The following CLIC1 variants were observed in gnomAD, a reference collection of about 807,000 sequenced individuals.
The protein encoded by CLIC1 is CLIC family member 1.
In CLIC1, 16 loss-of-function variants were observed where a neutral mutation model predicts 26.4. The ratio of observed to expected loss-of-function variants is 0.61; its 90% CI spans 0.41 to 0.92. The LOEUF is 0.92. CLIC1 is among the 40% of genes least tolerant of loss of function. The probability of loss-of-function intolerance (pLI) is 0.00; values close to 1 mark genes in which losing one functional copy is unlikely to be tolerated. For synonymous variants in CLIC1, 98 were observed against 120.8 expected (o/e 0.81, Z 1.24); for missense variants, 225 against 289.7 (o/e 0.78, Z 1.62).
chr6:31,736,577 C>A (rs1808349064), upstream of CLIC1: 2 of 1,333,206 alleles, frequency 1.5e-6, no homozygotes. This position sits in a 1 kb window ranked among gnomAD's most constrained non-coding sequence, Gnocchi z 5.0. Context: ...GGGGAGGGGA[C>A]TGGAGGGGGG....
chr6:31,737,260 C>T (rs1398679936), upstream of CLIC1: 3 of 152,050 alleles, frequency 2.0e-5, no homozygotes, highest in African/African-American at 7.3e-5. Context: ...CCTGTCTCTA[C>T]TAAAAATACA....
Position 31,734,257 on chromosome 6 carries a change from T to C in CLIC1, c.46A>G (p.Ser16Gly), listed in dbSNP as rs1244059102. 1 of 1,613,872 alleles carries C rather than the reference T, an allele frequency of 6.2e-7. No homozygotes were observed. Among genetic ancestry groups the C allele is most frequent in the Non-Finnish European group, 8.5e-7 (1 of 1,179,876 alleles). ...CAGTTCCCAATCTTGGCCCCATCACTGCCAGCCTGAAAAGTAACCCCAACC... is the reference window on the plus strand; with the variant it reads ...CAGTTCCCAATCTTGGCCCCATCACCGCCAGCCTGAAAAGTAACCCCAACC... The change falls in exon 2 of 6, where the codon AGT becomes GGT. Residue 16 changes from serine to glycine, a missense_variant. Physicochemically the swap from Ser to Gly is moderately conservative, Grantham distance 56. Transcript: ENST00000375784. This position sits in a 1 kb window ranked among gnomAD's most constrained non-coding sequence, Gnocchi z 5.3.
At chr6:31,737,019 C>A (rs928580069), upstream of CLIC1, 1 of 896,548 alleles carries the variant, frequency 1.1e-6, no homozygotes. Flanking sequence ...CTGAGCTGCC[C>A]AGACTGGTGT....
rs767435569 is a variant in CLIC1 at position 31,736,333 on chromosome 6, T to C, written c.-33A>G. 1 of 1,612,542 alleles carries C rather than the reference T, an allele frequency of 6.2e-7. No individual in the cohort carries two copies. The highest frequency in any genetic ancestry group is 1.1e-5 in the South Asian group (1 of 91,040). ...TCGGGGACCAGGAAGTGGCCGTCCCTGGGGGAACTGGGAGGGGCTGGGACC... is the reference window on the plus strand; with the variant it reads ...TCGGGGACCAGGAAGTGGCCGTCCCCGGGGGAACTGGGAGGGGCTGGGACC... On this transcript the variant is annotated 5_prime_UTR_variant, in exon 1 of 6. Transcript: ENST00000375784. The surrounding 1 kb of genome is among the most constrained non-coding windows in gnomAD (Gnocchi z 5.0).
upstream of CLIC1, chr6:31,736,860 A>C (rs976084568): frequency 1.0e-6 from 1 of 986,158 alleles, no homozygotes; most frequent in Non-Finnish European, 1.2e-6. The surrounding 1 kb of genome is among the most constrained non-coding windows in gnomAD (Gnocchi z 5.0). Flanking sequence ...TCGTTTAATC[A>C]TTCTGCATTT....
rs377377897 is a variant in CLIC1 at position 31,732,249 on chromosome 6, A to T, written c.532T>A (p.Cys178Ser). The change falls in exon 5 of 6, where the codon TGC (cysteine) becomes AGC (serine). Residue 178 changes from cysteine (C) to serine (S), a missense_variant. By Grantham distance (112) the Cys-to-Ser change is moderately radical (BLOSUM62 -1). Coordinates refer to ENST00000375784, the Ensembl canonical transcript of CLIC1. This position sits in a 1 kb window ranked among gnomAD's most constrained non-coding sequence, Gnocchi z 5.0. ...ATGTGTAACTTTGGCAACAGGTTGCAGTCAGCCAGGGTGAGCTCGTTGCCA... is the reference window on the plus strand; with the variant it reads ...ATGTGTAACTTTGGCAACAGGTTGCTGTCAGCCAGGGTGAGCTCGTTGCCA... The T allele has an allele frequency of 7.1e-5, 112 of 1,578,220 alleles. No homozygotes were observed. The highest frequency in any genetic ancestry group is 9.3e-5 in the Non-Finnish European group (108 of 1,162,920).
Position 31,732,549 on chromosome 6 carries a change from CATTTT to C in CLIC1, c.383-156_383-152del, listed in dbSNP as rs2151316088. On this transcript the variant is annotated intron_variant, in intron 4 of 5. Transcript: ENST00000375784. The surrounding 1 kb of genome is among the most constrained non-coding windows in gnomAD (Gnocchi z 5.0). ...TCTATGTGTTATTCTAAGCACTTTA[CATTTT>C]ATTTTATGTTAGACGGAGTCTTGCT... The C allele has an allele frequency of 2.0e-6, 1 of 498,570 alleles. No individual in the cohort carries two copies. The highest frequency in any genetic ancestry group is 3.4e-5 in the East Asian group (1 of 29,326). 30.9% of individuals were successfully genotyped at this position (498,570 alleles called of 1,614,324 possible).
rs896833375 is a variant in CLIC1, at chr6:31,732,503, T to C, written c.383-105A>G. The C allele has an allele frequency of 1.5e-6, 1 of 653,716 alleles. No homozygotes were observed. Among genetic ancestry groups the C allele is most frequent in the African/African-American group, 1.9e-5 (1 of 53,608 alleles). 40.5% of individuals were successfully genotyped at this position (653,716 alleles called of 1,614,324 possible). On this transcript the variant is annotated intron_variant, in intron 4 of 5. Transcript: ENST00000375784. This position sits in a 1 kb window ranked among gnomAD's most constrained non-coding sequence, Gnocchi z 5.0. ...ATGGTGAGTCCAAAATAATAATAGC[T>C]AACACTCATGTAGTTACTTTTCTAT...
rs151146724 is a variant in CLIC1, at chr6:31,733,569, C to T, written c.379G>A (p.Asp127Asn). The T allele has an allele frequency of 6.2e-7, 1 of 1,612,056 alleles. No individual in the cohort carries two copies. Among genetic ancestry groups the T allele is most frequent in the Non-Finnish European group, 8.5e-7 (1 of 1,179,304 alleles). Reference sequence around the variant, plus strand: ...GCCTCTGACCCACAAGACTCACTGTCATTGAGTGCTGGGTTTGAATTCTTG... The same window carrying T: ...GCCTCTGACCCACAAGACTCACTGTTATTGAGTGCTGGGTTTGAATTCTTG... Residue 127 changes from aspartate to asparagine, a missense_variant, in exon 4 of 6, where the codon GAC becomes AAC. Physicochemically the swap from Asp to Asn is conservative, Grantham distance 23 (BLOSUM62 1). Coordinates refer to ENST00000375784, the Ensembl canonical transcript of CLIC1. The surrounding 1 kb of genome is among the most constrained non-coding windows in gnomAD (Gnocchi z 5.4).
chr6:31,733,858 C>T lies in CLIC1; in HGVS notation c.253G>A (p.Glu85Lys). Residue 85 changes from glutamate (E) to lysine (K), a missense_variant, in exon 3 of 6, where the codon GAG becomes AAG. By Grantham distance (56) the Glu-to-Lys change is moderately conservative. Transcript: ENST00000375784. The surrounding 1 kb of genome is among the most constrained non-coding windows in gnomAD (Gnocchi z 5.4). The stretch of plus-strand genomic sequence containing the variant: ...TACCTGGGAGGGCACAGCACTGCCT[C>T]CAGAAATTCCTCAATCTTGTTGGTG... 1 of 1,614,186 alleles carries T rather than the reference C, an allele frequency of 6.2e-7. No homozygotes were observed.
At chr6:31,736,611 G>A, upstream of CLIC1, 2 of 1,262,910 alleles carry the variant, frequency 1.6e-6, no homozygotes, top group Non-Finnish European at 2.0e-6. The surrounding 1 kb of genome is among the most constrained non-coding windows in gnomAD (Gnocchi z 5.0). Flanking sequence ...TGTAGGGAGT[G>A]AGTCCGGAAG....
rs1406278611 is a variant in CLIC1, at chr6:31,734,032, G to T, written c.150-71C>A. 12 of 1,598,450 alleles carry T rather than the reference G, an allele frequency of 7.5e-6. No individual in the cohort carries two copies. The Admixed American group carries it at 1.2e-4, about 16-fold the overall frequency. Reference sequence around the variant, plus strand: ...GAACCAGAAAGGGGGAATGGAGGACGTGGGATAAGAAAGGGACTCCAGGGG... The same window carrying T: ...GAACCAGAAAGGGGGAATGGAGGACTTGGGATAAGAAAGGGACTCCAGGGG... On this transcript the variant is annotated intron_variant, in intron 2 of 5. Transcript: ENST00000375784. This position sits in a 1 kb window ranked among gnomAD's most constrained non-coding sequence, Gnocchi z 5.3.
chr6:31,736,699 C>A, upstream of CLIC1: 1 of 1,046,242 alleles, frequency 9.6e-7, no homozygotes, highest in Non-Finnish European at 1.2e-6. The surrounding 1 kb of genome is among the most constrained non-coding windows in gnomAD (Gnocchi z 5.0). Flanking sequence ...TTTCTCCGAC[C>A]TCTCCTGAAC....
rs544373290 is a variant in CLIC1, at chr6:31,736,026, T to C, written c.39+236A>G. Among the ~76,000 whole-genome samples the C allele has an allele frequency of 2.2e-4, 34 of 152,162 alleles. No homozygotes were observed. The highest frequency in any genetic ancestry group is 4.6e-4 in the Non-Finnish European group (31 of 68,026). ...TCCTTTTTCTCCACTTCCCTTCCTT[T>C]AGTCTGCTAGAAACTTGCACTTTTA... On this transcript the variant is annotated intron_variant, in intron 1 of 5. Transcript: ENST00000375784. The surrounding 1 kb of genome is among the most constrained non-coding windows in gnomAD (Gnocchi z 5.0).
chr6:31,731,041 C>G (rs1410412116), intron 5 of CLIC1, 38 bp from the exon 6 acceptor site: 1 of 1,593,746 alleles, frequency 6.3e-7, no homozygotes, highest in Non-Finnish European at 8.6e-7. Context: ...ACATGTTAGA[C>G]CCAGGGAAGC....
chr6:31,732,380 A>T lies in CLIC1; in HGVS notation c.401T>A (p.Leu134Gln). 1 of 1,548,610 alleles carries T rather than the reference A, an allele frequency of 6.5e-7. No homozygotes were observed. The highest frequency in any genetic ancestry group is 8.7e-7 in the Non-Finnish European group (1 of 1,148,310). ...ATTGTCTAAAACCTTCAGGGCTTTC[A>T]GGAGTCCCTTCTCCAGATCTGTGCA... The change falls in exon 5 of 6, where the codon CTG becomes CAG. Residue 134 changes from leucine (L) to glutamine (Q), a missense_variant. Leu to Gln is a moderately radical substitution (Grantham distance 113). Transcript: ENST00000375784. This position sits in a 1 kb window ranked among gnomAD's most constrained non-coding sequence, Gnocchi z 5.0.
chr6:31,735,959 G>T (rs1223819159), intron 1 of CLIC1, among the ~76,000 whole-genome samples: 1 of 151,956 alleles, frequency 6.6e-6, no homozygotes, highest in Non-Finnish European at 1.5e-5. Flanking sequence ...CCCTTCACCA[G>T]CTCGCCCTCT....
chr6:31,732,446 A>G lies in CLIC1; in HGVS notation c.383-48T>C. On this transcript the variant is annotated intron_variant, in intron 4 of 5. Coordinates refer to ENST00000375784, the Ensembl canonical transcript of CLIC1. The surrounding 1 kb of genome is among the most constrained non-coding windows in gnomAD (Gnocchi z 5.0). ...TAGAACTTCAGGAAAAGATTGACAT[A>G]GTCCGAAAAGGCCCGTTGGGGGTGG... The G allele has an allele frequency of 5.8e-6, 8 of 1,371,442 alleles. No individual in the cohort carries two copies. The highest frequency in any genetic ancestry group is 7.6e-6 in the Non-Finnish European group (8 of 1,050,294). 85.0% of individuals were successfully genotyped at this position (1,371,442 alleles called of 1,614,324 possible).
chr6:31,731,203 A>C (rs1807911597), intron 5 of CLIC1, among the ~76,000 whole-genome samples, 200 bp from the exon 6 acceptor site: 1 of 152,190 alleles, frequency 6.6e-6, no homozygotes, highest in South Asian at 2.1e-4. Flanking sequence ...CTTGAGATAT[A>C]ATTTACTTAT....
Sources: allele counts gnomAD v4.1 joint callset (sites outside exome capture counted in the v4.1 genomes callset), GRCh38; gene constraint gnomAD v4.1.1; non-coding constraint Gnocchi (gnomAD v3.1); transcripts MANE v1.5; gene names NCBI Gene and HGNC (gene_info 2026-07-23, HGNC 2026-07-21).